The following PRP4K variants were observed in gnomAD, a reference collection of about 807,000 sequenced individuals.
PRP4K encodes the protein serine/threonine-protein kinase PRP4 homolog.
chr6:4,046,160 T>C, the PRP4K span, among the ~76,000 whole-genome samples: 6 of 152,322 alleles, frequency 3.9e-5, no homozygotes, highest in South Asian at 4.1e-4. Context: ...TCCCTAGAAG[T>C]GGGATTGCTG....
chr6:4,027,372 G>C, the PRP4K span, among the ~76,000 whole-genome samples: 1 of 152,068 alleles, frequency 6.6e-6, no homozygotes, highest in Non-Finnish European at 1.5e-5. Flanking sequence ...ATTTTTTACA[G>C]TTGAGGAAAC....
At chr6:4,035,132 T>C in the PRP4K span, among the ~76,000 whole-genome samples, 1 of 151,512 alleles carries the variant, frequency 6.6e-6, no homozygotes, top group African/African-American at 2.4e-5. Flanking sequence ...GTTTTGTTTT[T>C]TTGAGATGGA....
chr6:4,052,691 GT>G, the PRP4K span: 1 of 1,464,108 alleles, frequency 6.8e-7, no homozygotes, highest in Non-Finnish European at 9.2e-7. Context: ...CTCCTATTTT[GT>G]TTTCTTTTTT....
chr6:4,046,318 C>CT, the PRP4K span, among the ~76,000 whole-genome samples: 8 of 152,166 alleles, frequency 5.3e-5, no homozygotes, highest in African/African-American at 1.9e-4. Context: ...GGATGTTTAG[C>CT]TAGTATCAGA....
chr6:4,024,884 A>G, the PRP4K span, among the ~76,000 whole-genome samples: 1 of 152,310 alleles, frequency 6.6e-6, no homozygotes, highest in South Asian at 2.1e-4. Context: ...GATTACAGTC[A>G]TAAGCCACTG....
the PRP4K span, among the ~76,000 whole-genome samples, chr6:4,028,192 G>GT: frequency 6.6e-6 from 1 of 152,072 alleles, no homozygotes; most frequent in African/African-American, 2.4e-5. Flanking sequence ...ATGGTGTTTT[G>GT]TTTTTTGTGT....
the PRP4K span, chr6:4,058,624 A>G: frequency 1.1e-6 from 1 of 874,568 alleles, no homozygotes; most frequent in South Asian, 1.5e-5. Context: ...ACAAACCTAC[A>G]GAGACTAAAT....
At chr6:4,064,892 A>T in the PRP4K span, 3 of 152,630 alleles carry the variant, frequency 2.0e-5, no homozygotes, top group African/African-American at 7.2e-5. Flanking sequence ...CTAATTATTT[A>T]TGGTACCATT....
the PRP4K span, among the ~76,000 whole-genome samples, chr6:4,028,016 CT>C: frequency 6.6e-6 from 1 of 152,080 alleles, no homozygotes; most frequent in Non-Finnish European, 1.5e-5. Context: ...ACTTTTCCCC[CT>C]ATAAGTCAAG....
the PRP4K span, chr6:4,057,030 T>G: frequency 6.5e-7 from 1 of 1,549,788 alleles, no homozygotes. Context: ...TTGATTTTGT[T>G]TTCAGTTATA....
At chr6:4,028,874 T>C in the PRP4K span, among the ~76,000 whole-genome samples, 2 of 152,098 alleles carry the variant, frequency 1.3e-5, no homozygotes, top group African/African-American at 4.8e-5. Context: ...TATTCAAGAC[T>C]ATGAGACCTG....
At chr6:4,060,801 C>G in the PRP4K span, 1 of 636,972 alleles carries the variant, frequency 1.6e-6, no homozygotes, top group Non-Finnish European at 2.7e-6. This position sits in a 1 kb window ranked among gnomAD's most constrained non-coding sequence, Gnocchi z 4.7. Context: ...TTGTGTCTTA[C>G]GTGAAATTTC....
the PRP4K span, chr6:4,037,611 G>A: frequency 6.4e-7 from 1 of 1,573,334 alleles, no homozygotes; most frequent in Non-Finnish European, 8.7e-7. Flanking sequence ...AACTCTGAAT[G>A]TTTTTGAACC....
the PRP4K span, among the ~76,000 whole-genome samples, chr6:4,054,611 T>G: frequency 0.71 from 107,287 of 151,960 alleles, 37,933 homozygotes; most frequent in East Asian, 0.77. Flanking sequence ...GGTTCAAGCA[T>G]TTCTCCTGCC....
the PRP4K span, chr6:4,063,771 C>T: frequency 6.6e-6 from 1 of 152,122 alleles, no homozygotes; most frequent in African/African-American, 2.4e-5. Flanking sequence ...CTCTGCAAGA[C>T]CTACTAGATT....
At chr6:4,042,075 C>T in the PRP4K span, among the ~76,000 whole-genome samples, 4 of 152,106 alleles carry the variant, frequency 2.6e-5, no homozygotes, top group Admixed American at 2.6e-4. Flanking sequence ...TAGGGAAGTA[C>T]GGGTATAGCT....
the PRP4K span, chr6:4,063,823 C>T: frequency 6.6e-6 from 1 of 152,088 alleles, no homozygotes; most frequent in Non-Finnish European, 1.5e-5. Flanking sequence ...GTGCATTCCT[C>T]TTTTAGAGTA....
the PRP4K span, chr6:4,049,511 A>G: frequency 3.8e-6 from 2 of 524,002 alleles, no homozygotes; most frequent in Admixed American, 3.6e-5. Context: ...TCAGCAGTTG[A>G]TAGGACAACA....
At chr6:4,056,961 C>G in the PRP4K span, 4 of 1,380,268 alleles carry the variant, frequency 2.9e-6, no homozygotes, top group East Asian at 9.3e-5. Context: ...GCCAGCCCCT[C>G]ATTAATGGAA....
Sources: allele counts gnomAD v4.1 joint callset (sites outside exome capture counted in the v4.1 genomes callset), GRCh38; gene constraint gnomAD v4.1.1; non-coding constraint Gnocchi (gnomAD v3.1); transcripts MANE v1.5; gene names NCBI Gene and HGNC (gene_info 2026-07-23, HGNC 2026-07-21).